The following CDH13 variants were observed in gnomAD, a reference collection of about 807,000 sequenced individuals.
CDH13 encodes the protein cadherin 13.
CDH13 carries 24 observed loss-of-function variants against 63.8 expected under a neutral mutation model. The ratio of observed to expected loss-of-function variants is 0.38; its 90% CI spans 0.27 to 0.53. The LOEUF (loss-of-function observed/expected upper bound fraction) is 0.53. Among genes scored for constraint, CDH13 ranks in the 20% least tolerant of loss-of-function variants. The pLI, the probability that CDH13 is intolerant of heterozygous loss-of-function variation, is 0.85. For missense variants in CDH13, 1,049 were observed against 903.1 expected (o/e 1.16, Z -2.07); for synonymous variants, 503 against 355.3 (o/e 1.42, Z -4.67).
At chr16:83,444,403 A>T (rs2072602482) in intron 6 of CDH13, among the ~76,000 whole-genome samples, 1 of 152,140 alleles carries the variant, frequency 6.6e-6, no homozygotes, top group Non-Finnish European at 1.5e-5. Context: ...TGAAGTTTAA[A>T]CTCGGTAAGG....
At chr16:83,099,269 A>G (rs1202322556) in intron 3 of CDH13, among the ~76,000 whole-genome samples, 1 of 152,182 alleles carries the variant, frequency 6.6e-6, no homozygotes, top group Non-Finnish European at 1.5e-5. Context: ...AAATGTACAC[A>G]CACACATTTT....
intron 11 of CDH13, among the ~76,000 whole-genome samples, chr16:83,767,429 G>T (rs1412399256): frequency 6.6e-5 from 10 of 152,208 alleles, no homozygotes; most frequent in Non-Finnish European, 1.5e-4. Context: ...TGCCATGTAA[G>T]TTGTGACTTT....
intron 11 of CDH13, among the ~76,000 whole-genome samples, chr16:83,774,102 G>T (rs1914944799): frequency 6.6e-6 from 1 of 152,116 alleles, no homozygotes; most frequent in Non-Finnish European, 1.5e-5. Context: ...ATCATTTTCG[G>T]CTACTGAGCT....
At chr16:82,928,492 C>T (rs561623551) in intron 2 of CDH13, among the ~76,000 whole-genome samples, 1 of 152,184 alleles carries the variant, frequency 6.6e-6, no homozygotes, top group East Asian at 1.9e-4. Flanking sequence ...CTATTCAATT[C>T]CACACACCAG....
chr16:83,362,415 C>T (rs79099879), intron 6 of CDH13, among the ~76,000 whole-genome samples: 3 of 152,200 alleles, frequency 2.0e-5, no homozygotes, highest in Non-Finnish European at 4.4e-5. Flanking sequence ...GACATTTAGA[C>T]ACCTTTTGTC....
chr16:83,426,754 G>T (rs1023625094), intron 6 of CDH13, among the ~76,000 whole-genome samples: 1 of 151,904 alleles, frequency 6.6e-6, no homozygotes. Context: ...GTGATTATGA[G>T]CCCCTCCCAC....
chr16:82,932,529 C>T (rs564510400), intron 2 of CDH13, among the ~76,000 whole-genome samples: 7 of 152,260 alleles, frequency 4.6e-5, no homozygotes, highest in African/African-American at 1.7e-4. Flanking sequence ...CAGAGCTTCC[C>T]AAGACAAAAC....
intron 8 of CDH13, among the ~76,000 whole-genome samples, chr16:83,621,591 A>G (rs1453012545): frequency 7.1e-6 from 1 of 141,594 alleles, no homozygotes; most frequent in African/African-American, 2.7e-5. Flanking sequence ...GGTTCAAGCG[A>G]TTCTCCTGCC....
intron 6 of CDH13, among the ~76,000 whole-genome samples, chr16:83,348,162 C>G (rs972102569): frequency 2.6e-5 from 4 of 152,162 alleles, no homozygotes; most frequent in Non-Finnish European, 5.9e-5. Flanking sequence ...TGCACTCCAG[C>G]CTGGGCGACA....
intron 10 of CDH13, among the ~76,000 whole-genome samples, chr16:83,734,169 A>G (rs7198516): frequency 0.17 from 25,453 of 152,160 alleles, 2,199 homozygotes; most frequent in Middle Eastern, 0.22. Flanking sequence ...CCATGAATCA[A>G]TTTAAAGTGA....
chr16:83,484,547 T>C (rs1198577414), intron 6 of CDH13, among the ~76,000 whole-genome samples: 3 of 152,266 alleles, frequency 2.0e-5, no homozygotes, highest in Non-Finnish European at 4.4e-5. Flanking sequence ...ATAATTATGC[T>C]CTTTGTAAAT....
chr16:83,566,852 C>G (rs1904285278), intron 7 of CDH13, among the ~76,000 whole-genome samples: 1 of 152,152 alleles, frequency 6.6e-6, no homozygotes, highest in Admixed American at 6.5e-5. Context: ...CTAAGAATCA[C>G]TCCTCCAGAA....
intron 2 of CDH13, among the ~76,000 whole-genome samples, chr16:83,001,782 G>C (rs563232319): frequency 6.6e-6 from 1 of 152,292 alleles, no homozygotes; most frequent in South Asian, 2.1e-4. Flanking sequence ...CTGTCCAGGT[G>C]GTGGGATACA....
intron 9 of CDH13, among the ~76,000 whole-genome samples, chr16:83,673,583 C>T (rs1010444443): frequency 1.3e-4 from 20 of 151,808 alleles, no homozygotes; most frequent in Admixed American, 4.6e-4. Flanking sequence ...ATAACAACAA[C>T]GAAAAAAGAA....
intron 1 of CDH13, among the ~76,000 whole-genome samples, chr16:82,657,473 C>G (rs549682492): frequency 6.6e-6 from 1 of 152,114 alleles, no homozygotes; most frequent in African/African-American, 2.4e-5. Context: ...AGTGGGATGA[C>G]AGAAGATTTC....
intron 2 of CDH13, among the ~76,000 whole-genome samples, chr16:82,997,979 T>C (rs1567729358): frequency 6.6e-6 from 1 of 152,172 alleles, no homozygotes; most frequent in African/African-American, 2.4e-5. Context: ...AGAAACTCTG[T>C]ATAGAAGATA....
At chr16:83,022,532 G>A (rs144539160) in intron 2 of CDH13, among the ~76,000 whole-genome samples, 2 of 152,212 alleles carry the variant, frequency 1.3e-5, no homozygotes, top group Non-Finnish European at 2.9e-5. Flanking sequence ...GAAATCGGCA[G>A]ATGCTACAAC....
At chr16:83,385,900 C>G (rs1044636660) in intron 6 of CDH13, among the ~76,000 whole-genome samples, 1 of 152,182 alleles carries the variant, frequency 6.6e-6, no homozygotes, top group Non-Finnish European at 1.5e-5. Context: ...CTGATCCCAT[C>G]TGAAGCTACT....
chr16:83,154,099 C>A (rs2037104355), intron 4 of CDH13, among the ~76,000 whole-genome samples: 2 of 152,106 alleles, frequency 1.3e-5, no homozygotes, highest in African/African-American at 4.8e-5. Context: ...GCGTGTGAGT[C>A]ACAGTCACAT....
Sources: allele counts gnomAD v4.1 joint callset (sites outside exome capture counted in the v4.1 genomes callset), GRCh38; gene constraint gnomAD v4.1.1; transcripts MANE v1.5; gene names NCBI Gene and HGNC (gene_info 2026-07-23, HGNC 2026-07-21).